The following NCKAP1L variants were observed in gnomAD, a reference collection of about 807,000 sequenced individuals.
The protein encoded by NCKAP1L is NCK associated protein 1 like, also known as nck-associated protein 1-like.
In NCKAP1L, 53 loss-of-function variants were observed where a neutral mutation model predicts 139.2. The ratio of observed to expected loss-of-function variants is 0.38; its 90% confidence interval spans 0.31 to 0.48. The LOEUF (loss-of-function observed/expected upper bound fraction) is 0.48. Among genes scored for constraint, NCKAP1L ranks in the 20% least tolerant of loss-of-function variants. The pLI, the probability that NCKAP1L is intolerant of heterozygous loss-of-function variation, is 0.98. For synonymous variants in NCKAP1L, 468 were observed against 499.7 expected (o/e 0.94, Z 0.85); for missense variants, 1,151 against 1,381.9 (o/e 0.83, Z 2.65).
chr12:54,512,407 A>G, intron 9 of NCKAP1L: 1 of 254,392 alleles, frequency 3.9e-6, no homozygotes, highest in Non-Finnish European at 7.7e-6. Context: ...TTCCCATGCC[A>G]TTACCTCAAT....
In NCKAP1L at chr12:54,535,183, C is replaced by T. The variant is rs199741365; in HGVS notation, c.2942C>T (p.Ala981Val). 28 of 1,613,392 alleles carry T rather than the reference C, an allele frequency of 1.7e-5. No homozygotes were observed. Among genetic ancestry groups the T allele is most frequent in the Middle Eastern group, 1.7e-4 (1 of 6,054 alleles). The part of the protein sequence containing the change: ...DIDPALVAAI[A>V]NLKADTSSPE... Reference sequence around the variant, plus strand: ...GACCCAGCCTTGGTGGCTGCCATTGCTAATCTGAAAGCTGGTAAGATTGGG... The same window carrying T: ...GACCCAGCCTTGGTGGCTGCCATTGTTAATCTGAAAGCTGGTAAGATTGGG... Residue 981 changes from alanine (A) to valine (V), a missense_variant, in exon 27 of 31, where the codon GCT (alanine) becomes GTT (valine). Transcript: ENST00000293373.
Position 54,535,219 on chromosome 12 carries a change from G to T in NCKAP1L, c.2956+22G>T, listed in dbSNP as rs550993322. On this transcript the variant is annotated intron_variant, in intron 27 of 30. Coordinates refer to ENST00000293373, the MANE Select transcript of NCKAP1L (RefSeq NM_005337.5). Reference sequence around the variant, plus strand: ...GCTGGTAAGATTGGGGAAAGGGGGCGAGATTTGGGAAAGGAGGGCTTGGGC... The same window carrying T: ...GCTGGTAAGATTGGGGAAAGGGGGCTAGATTTGGGAAAGGAGGGCTTGGGC... 7 of 1,590,022 alleles carry T rather than the reference G, an allele frequency of 4.4e-6. No homozygotes were observed. In the African/African-American group the frequency reaches 5.4e-5, roughly 12 times the overall value.
At chr12:54,537,134 T>C (rs1464518856) in intron 29 of NCKAP1L, 81 bp downstream of exon 29, 3 of 920,096 alleles carry the variant, frequency 3.3e-6, no homozygotes, top group African/African-American at 1.6e-5. Context: ...ACAATTATCG[T>C]TGAACAGGCT....
At position 54,520,754 on chromosome 12, in the gene NCKAP1L, G is replaced by A. The variant is rs147004005; in HGVS notation, c.1686G>A (p.Leu562=). ...TGACCTTGGAGGAATCTGCCATGTT[G>A]CGTTATGCCATTGCTTTCCCCCTGA... ...FAMTLEESAM[L]RYAIAFPLIC... is the part of the protein sequence containing the mutation. The change falls in exon 17 of 31, where the codon TTG becomes TTA. Residue 562 remains leucine, a synonymous_variant. Coordinates refer to ENST00000293373, the MANE Select transcript of NCKAP1L (RefSeq NM_005337.5). The A allele has an allele frequency of 4.9e-4, 788 of 1,613,902 alleles. No homozygotes were observed. Among genetic ancestry groups the A allele is most frequent in the Non-Finnish European group, 6.3e-4 (746 of 1,180,006 alleles).
At chr12:54,505,425 C>T (rs1225243527) in intron 3 of NCKAP1L, among the ~76,000 whole-genome samples, 7 of 141,466 alleles carry the variant, frequency 4.9e-5, no homozygotes. Flanking sequence ...ATTTCCATCA[C>T]CCCAAGGGTT....
intron 5 of NCKAP1L, among the ~76,000 whole-genome samples, chr12:54,509,421 A>G (rs1470857098): frequency 1.4e-4 from 21 of 152,186 alleles, no homozygotes; most frequent in Admixed American, 1.4e-3. Context: ...GTCCAACCCT[A>G]TTTTTGTGCT....
intron 10 of NCKAP1L, 134 bp from the exon 11 acceptor site, chr12:54,516,762 A>T: frequency 4.0e-6 from 3 of 748,120 alleles, no homozygotes; most frequent in Admixed American, 5.7e-5. Flanking sequence ...TCTTTTTTAA[A>T]CCAAGTCTAA....
intron 22 of NCKAP1L, among the ~76,000 whole-genome samples, chr12:54,530,111 T>G (rs1342231826): frequency 6.6e-6 from 1 of 152,240 alleles, no homozygotes; most frequent in Non-Finnish European, 1.5e-5. Context: ...TTCCATTTCC[T>G]CTGTCACTGA....
Position 54,520,250 on chromosome 12 carries a change from A to G in NCKAP1L, c.1626-444A>G, listed in dbSNP as rs61202915. Among the ~76,000 whole-genome samples, 456 of 152,318 alleles carry G rather than the reference A, an allele frequency of 3.0e-3. 25 individuals carry two copies. In the East Asian group the frequency reaches 0.071, roughly 24 times the overall value. ...TAAAAGAGTACATGAAGTTGAGAGGACATGGGTTGAGGAAAGATCAGTCTC... is the reference window on the plus strand; with the variant it reads ...TAAAAGAGTACATGAAGTTGAGAGGGCATGGGTTGAGGAAAGATCAGTCTC... On this transcript the variant is annotated intron_variant, in intron 16 of 30. Transcript: ENST00000293373.
At chr12:54,535,999 T>C (rs1481428468) in intron 27 of NCKAP1L, 130 bp from the exon 28 acceptor site, 1 of 676,238 alleles carries the variant, frequency 1.5e-6, no homozygotes, top group East Asian at 2.7e-5. Context: ...ATAGGCTTTA[T>C]AAAGTGTTTT....
intron 5 of NCKAP1L, among the ~76,000 whole-genome samples, 176 bp downstream of exon 5, chr12:54,508,707 G>A (rs572124274): frequency 6.6e-5 from 10 of 152,290 alleles, no homozygotes; most frequent in African/African-American, 1.7e-4. Flanking sequence ...GAAACAACAC[G>A]GGTTTGAACT....
At chr12:54,529,798 A>G (rs1046753884) in intron 22 of NCKAP1L, among the ~76,000 whole-genome samples, 2 of 152,050 alleles carry the variant, frequency 1.3e-5, no homozygotes, top group African/African-American at 4.8e-5. Flanking sequence ...GGGCAATGCT[A>G]CTGCAAAAAT....
chr12:54,513,493 C>A (rs1956905082), intron 9 of NCKAP1L, among the ~76,000 whole-genome samples: 1 of 152,082 alleles, frequency 6.6e-6, no homozygotes, highest in African/African-American at 2.4e-5. Context: ...ATGGGAAAAT[C>A]CTCTGTGTAT....
At chr12:54,498,424 T>TGTGA (rs1468388915) in intron 1 of NCKAP1L, among the ~76,000 whole-genome samples, 1 of 151,692 alleles carries the variant, frequency 6.6e-6, no homozygotes, top group African/African-American at 2.4e-5. Context: ...TGTGTGTGTG[T>TGTGA]GTGTGTGTGT....
At chr12:54,509,599 A>C in intron 5 of NCKAP1L, 70 bp from the exon 6 acceptor site, 1 of 1,043,854 alleles carries the variant, frequency 9.6e-7, no homozygotes, top group Non-Finnish European at 1.5e-6. Flanking sequence ...TCTTTATCCT[A>C]TATGCAAACA....
rs1957073819 is a variant in NCKAP1L at position 54,531,777 on chromosome 12, T to C, written c.2733T>C (p.Ile911=). ...ATGTGCTAAAGCGCATGACCATCAT[T>C]GGGGTTATCCTCAGTTTCAGGGCCA... ...AENVLKRMTI[I]GVILSFRAMA... Residue 911 remains isoleucine, a synonymous_variant, in exon 25 of 31, where the codon ATT becomes ATC. Transcript: ENST00000293373. 1 of 1,612,886 alleles carries C rather than the reference T, an allele frequency of 6.2e-7. No individual in the cohort carries two copies. Among genetic ancestry groups the C allele is most frequent in the Admixed American group, 1.7e-5 (1 of 59,982 alleles).
At chr12:54,527,237 C>G (rs1014760339) in intron 21 of NCKAP1L, among the ~76,000 whole-genome samples, 1 of 152,172 alleles carries the variant, frequency 6.6e-6, no homozygotes, top group Non-Finnish European at 1.5e-5. Context: ...AGCACTGTTT[C>G]CTTTGACATG....
At position 54,517,642 on chromosome 12, in the gene NCKAP1L, C is replaced by T. The variant is rs2270581; in HGVS notation, c.1205C>T (p.Ser402Leu). ...AAGACACCTGAGGACTATGCTGACT[C>T]GTTAGTACTTGACATGGCTAAGAAC... Reference protein sequence around the residue: ...KTKTPEDYADSSIAELLFLLE... With the variant: ...KTKTPEDYADLSIAELLFLLE... Residue 402 changes from serine (S) to leucine (L), a missense_variant and splice_region_variant, in exon 12 of 31, where the codon TCG becomes TTG. Physicochemically the swap from Ser to Leu is moderately radical, Grantham distance 145. Coordinates refer to ENST00000293373, the MANE Select transcript of NCKAP1L (RefSeq NM_005337.5). The T allele has an allele frequency of 0.065, 104,004 of 1,608,228 alleles. 3,607 individuals are homozygous for T. The highest frequency in any genetic ancestry group is 0.1 in the African/African-American group (7,568 of 74,826).
chr12:54,516,694 C>T (rs1031954821), intron 10 of NCKAP1L, among the ~76,000 whole-genome samples: 15 of 152,192 alleles, frequency 9.9e-5, no homozygotes, highest in African/African-American at 3.4e-4. Flanking sequence ...GATCTGCCCA[C>T]CTCGGCCTCC....
Sources: allele counts gnomAD v4.1 joint callset (sites outside exome capture counted in the v4.1 genomes callset), GRCh38; gene constraint gnomAD v4.1.1; transcripts MANE v1.5; gene names NCBI Gene and HGNC (gene_info 2026-07-23, HGNC 2026-07-21).